Variants in CADM2 observed in about 807,000 individuals in gnomAD.
CADM2 encodes the protein cell adhesion molecule 2.
CADM2 carries 12 observed loss-of-function variants against 49.8 expected under a neutral mutation model. The observed-to-expected ratio is 0.24, with a 90% CI of 0.15 to 0.39. CADM2 has a LOEUF of 0.39. CADM2 is among the 10% of genes least tolerant of loss of function. The pLI, the probability that CADM2 is intolerant of heterozygous loss-of-function variation, is 1.00. For synonymous variants in CADM2, 214 were observed against 175.4 expected (o/e 1.22, Z -1.74); for missense variants, 378 against 492.3 (o/e 0.77, Z 2.20).
intron 1 of CADM2, among the ~76,000 whole-genome samples, chr3:85,164,620 C>G (rs1453506058): frequency 1.3e-5 from 2 of 152,020 alleles, no homozygotes; most frequent in African/African-American, 2.4e-5. Flanking sequence ...GAGACTTGCT[C>G]AGAATGCAAT....
intron 1 of CADM2, among the ~76,000 whole-genome samples, chr3:85,496,655 A>C (rs1576658374): frequency 6.6e-6 from 1 of 152,276 alleles, no homozygotes; most frequent in East Asian, 1.9e-4. Context: ...TTGCAGTCCC[A>C]CCAACAGCGT....
intron 1 of CADM2, among the ~76,000 whole-genome samples, chr3:85,463,839 G>T (rs1175154743): frequency 2.6e-5 from 4 of 152,050 alleles, no homozygotes; most frequent in Non-Finnish European, 5.9e-5. Flanking sequence ...TTACAATTCT[G>T]ACAAAGGACA....
intron 3 of CADM2, among the ~76,000 whole-genome samples, chr3:85,856,598 G>C (rs1433895882): frequency 1.3e-5 from 2 of 152,108 alleles, no homozygotes; most frequent in Non-Finnish European, 2.9e-5. Context: ...AAGGATTACA[G>C]GCATCAATAT....
At chr3:85,072,735 G>C (rs1015653131) in intron 1 of CADM2, among the ~76,000 whole-genome samples, 2 of 151,834 alleles carry the variant, frequency 1.3e-5, no homozygotes, top group Non-Finnish European at 2.9e-5. Context: ...TTTGAATTTA[G>C]ATAAAAATTT....
intron 1 of CADM2, among the ~76,000 whole-genome samples, chr3:85,338,078 G>A (rs1430207929): frequency 6.6e-6 from 1 of 151,614 alleles, no homozygotes; most frequent in Non-Finnish European, 1.5e-5. Flanking sequence ...ACAGATGCCT[G>A]TTTACTCTAA....
rs2038871678 is a variant in CADM2 at position 85,473,919 on chromosome 3, TTTTA to T, written c.62-252597_62-252594del. Among the ~76,000 whole-genome samples, 8 of 152,114 alleles carry T rather than the reference TTTTA, an allele frequency of 5.3e-5. No homozygotes were observed. In the South Asian group the frequency reaches 1.2e-3, roughly 24 times the overall value. On this transcript the variant is annotated intron_variant, in intron 1 of 9. Coordinates refer to ENST00000383699, the MANE Select transcript of CADM2 (RefSeq NM_001167675.2). Reference sequence around the variant, plus strand: ...TCTTGTTAACTTGTGAATGCAGATATTTTATTTATCTTCTTTTAGCTAGTTTCCT... The same window carrying T: ...TCTTGTTAACTTGTGAATGCAGATATTTTATCTTCTTTTAGCTAGTTTCCT...
intron 8 of CADM2, among the ~76,000 whole-genome samples, chr3:86,011,717 G>A (rs1731534980): frequency 6.6e-6 from 1 of 152,020 alleles, no homozygotes; most frequent in East Asian, 1.9e-4. Flanking sequence ...TTTCTTGTTG[G>A]TATAATTGAA....
chr3:86,037,290 C>G (rs1353126447), intron 8 of CADM2, among the ~76,000 whole-genome samples: 1 of 152,090 alleles, frequency 6.6e-6, no homozygotes, highest in Non-Finnish European at 1.5e-5. Context: ...CAACGCTTAA[C>G]ATAAAATAAG....
chr3:85,609,253 A>T (rs2063615661), intron 1 of CADM2, among the ~76,000 whole-genome samples: 1 of 152,160 alleles, frequency 6.6e-6, no homozygotes, highest in Non-Finnish European at 1.5e-5. Flanking sequence ...TGTTAGGGGC[A>T]TGACATGCAC....
At chr3:85,432,924 A>T (rs2107525861) in intron 1 of CADM2, among the ~76,000 whole-genome samples, 1 of 152,194 alleles carries the variant, frequency 6.6e-6, no homozygotes, top group East Asian at 1.9e-4. Context: ...CCTAAGAAAA[A>T]AAGAATCTCA....
At chr3:85,879,857 A>AGT (rs920774028) in intron 3 of CADM2, among the ~76,000 whole-genome samples, 45 of 152,084 alleles carry the variant, frequency 3.0e-4, no homozygotes, top group South Asian at 6.2e-4. Flanking sequence ...CATATGTGTA[A>AGT]GTGTGTGTGT....
chr3:85,947,107 C>T (rs540142897), intron 7 of CADM2, among the ~76,000 whole-genome samples: 1 of 151,906 alleles, frequency 6.6e-6, no homozygotes, highest in African/African-American at 2.4e-5. Context: ...CAAGAAAAAA[C>T]AAACAACCCC....
intron 1 of CADM2, among the ~76,000 whole-genome samples, chr3:85,376,931 T>G (rs2033625569): frequency 6.6e-6 from 1 of 152,068 alleles, no homozygotes; most frequent in African/African-American, 2.4e-5. Flanking sequence ...AATATTAATA[T>G]CTACTGAAAA....
intron 1 of CADM2, among the ~76,000 whole-genome samples, chr3:85,241,761 A>G (rs1181175695): frequency 6.6e-6 from 1 of 151,576 alleles, no homozygotes; most frequent in Non-Finnish European, 1.5e-5. Flanking sequence ...CAAATGTGGA[A>G]TCAATCAAAG....
intron 1 of CADM2, among the ~76,000 whole-genome samples, chr3:85,416,519 A>T (rs372018990): frequency 6.6e-6 from 1 of 152,210 alleles, no homozygotes; most frequent in African/African-American, 2.4e-5. Flanking sequence ...AACTTGCCCT[A>T]TGCATTTTAG....
intron 1 of CADM2, among the ~76,000 whole-genome samples, chr3:85,337,788 T>C (rs1559787041): frequency 6.6e-6 from 1 of 151,576 alleles, no homozygotes; most frequent in African/African-American, 2.4e-5. Context: ...TTGTTTACTA[T>C]AAAATTTTCA....
At chr3:85,043,546 T>C (rs2035528107) in intron 1 of CADM2, among the ~76,000 whole-genome samples, 1 of 151,810 alleles carries the variant, frequency 6.6e-6, no homozygotes, top group South Asian at 2.1e-4. Context: ...AATAGAAAAC[T>C]AGGGATGGTA....
At chr3:85,697,406 T>C (rs1309569082) in intron 1 of CADM2, among the ~76,000 whole-genome samples, 4 of 152,096 alleles carry the variant, frequency 2.6e-5, no homozygotes, top group African/African-American at 4.8e-5. Context: ...GAAGTAGATA[T>C]ACAATATTGT....
intron 1 of CADM2, among the ~76,000 whole-genome samples, chr3:85,291,863 G>C (rs1188848486): frequency 6.7e-6 from 1 of 149,540 alleles, no homozygotes; most frequent in Non-Finnish European, 1.5e-5. Flanking sequence ...ATCGAGACTA[G>C]GAAGAAACTG....
Sources: allele counts gnomAD v4.1 joint callset (sites outside exome capture counted in the v4.1 genomes callset), GRCh38; gene constraint gnomAD v4.1.1; transcripts MANE v1.5; gene names NCBI Gene and HGNC (gene_info 2026-07-23, HGNC 2026-07-21).